The following SKAP1 variants were observed in gnomAD, a reference collection of about 807,000 sequenced individuals.
SKAP1 encodes src kinase-associated phosphoprotein 1.
A neutral mutation model predicts 58.5 loss-of-function variants in SKAP1; 44 were observed. The ratio of observed to expected loss-of-function variants is 0.75; its 90% CI spans 0.59 to 0.97. The LOEUF is 0.97. Among genes scored for constraint, SKAP1 ranks in the 50% least tolerant of loss-of-function variants. The pLI, the probability that SKAP1 is intolerant of heterozygous loss-of-function variation, is 0.00. For synonymous variants in SKAP1, 127 were observed against 149.7 expected, an observed-to-expected ratio of 0.85 and a Z score of 1.11; for missense variants, 390 against 435.2, an observed-to-expected ratio of 0.90 and a Z score of 0.92.
intron 4 of SKAP1, among the ~76,000 whole-genome samples, chr17:48,320,453 T>C (rs2066346850): frequency 6.6e-6 from 1 of 152,192 alleles, no homozygotes; most frequent in Admixed American, 6.5e-5. Flanking sequence ...CCAGCACACT[T>C]ATAAATGTTA....
At chr17:48,376,459 C>CA (rs954302780) in intron 2 of SKAP1, among the ~76,000 whole-genome samples, 1 of 152,152 alleles carries the variant, frequency 6.6e-6, no homozygotes, top group Non-Finnish European at 1.5e-5. Context: ...ACAATTTCTA[C>CA]AAAAACATTT....
intron 4 of SKAP1, among the ~76,000 whole-genome samples, chr17:48,313,140 G>A (rs1300883768): frequency 6.6e-6 from 1 of 151,476 alleles, no homozygotes; most frequent in Non-Finnish European, 1.5e-5. Context: ...TATTGGTGGC[G>A]GGGCGGTGGG....
chr17:48,410,193 T>C (rs1384876162), intron 1 of SKAP1, among the ~76,000 whole-genome samples: 4 of 152,112 alleles, frequency 2.6e-5, no homozygotes, highest in Non-Finnish European at 5.9e-5. Flanking sequence ...GGTTTCTCAC[T>C]GTTGGAGTGG....
At chr17:48,211,550 T>C (rs2064873381) in intron 4 of SKAP1, among the ~76,000 whole-genome samples, 1 of 152,228 alleles carries the variant, frequency 6.6e-6, no homozygotes. Context: ...CTCTTATATA[T>C]GATGGCTTCT....
In SKAP1 at chr17:48,206,545, G is replaced by C. The variant is rs373611207; in HGVS notation, c.281-17045C>G. ...ATAGTTAATGTAAACACTAAATATT[G>C]ATTAACTAAAAATTATGATATAACC... On this transcript the variant is annotated intron_variant, in intron 4 of 12. Coordinates refer to ENST00000336915, the MANE Select transcript of SKAP1 (RefSeq NM_003726.4). Among the ~76,000 whole-genome samples, 199 of 152,072 alleles carry C rather than the reference G, an allele frequency of 1.3e-3. 1 individual carries two copies. The highest frequency in any genetic ancestry group is 4.7e-3 in the African/African-American group (193 of 41,492).
chr17:48,429,633 G>A (rs1319027193), intron 1 of SKAP1, among the ~76,000 whole-genome samples: 1 of 152,184 alleles, frequency 6.6e-6, no homozygotes, highest in Non-Finnish European at 1.5e-5. Flanking sequence ...GCCCCTCGCA[G>A]CCCCCTGGAG....
intron 4 of SKAP1, among the ~76,000 whole-genome samples, chr17:48,278,154 T>C (rs2065722753): frequency 6.6e-6 from 1 of 152,236 alleles, no homozygotes; most frequent in Non-Finnish European, 1.5e-5. Flanking sequence ...AACTTCTTTG[T>C]TCTCTCTTCT....
intron 2 of SKAP1, chr17:48,380,261 T>C (rs982552011): frequency 6.6e-6 from 1 of 152,148 alleles, no homozygotes; most frequent in African/African-American, 2.4e-5. Context: ...TCTTGAGATG[T>C]TGCCAGTTCA....
At chr17:48,426,846 C>A (rs957410982) in intron 1 of SKAP1, among the ~76,000 whole-genome samples, 2 of 135,764 alleles carry the variant, frequency 1.5e-5, no homozygotes, top group East Asian at 2.0e-4. Flanking sequence ...TCCAAGATAG[C>A]GTGTTTTTTT....
At chr17:48,321,316 G>A (rs910708726) in intron 4 of SKAP1, among the ~76,000 whole-genome samples, 5 of 150,600 alleles carry the variant, frequency 3.3e-5, no homozygotes, top group African/African-American at 1.2e-4. Context: ...ATTCCACAAT[G>A]ATCTTTTCTA....
chr17:48,399,578 T>C (rs1028241810), intron 1 of SKAP1, among the ~76,000 whole-genome samples: 1 of 152,026 alleles, frequency 6.6e-6, no homozygotes, highest in Non-Finnish European at 1.5e-5. Flanking sequence ...CTAGATGATA[T>C]AGAGAGATTC....
At chr17:48,210,900 A>C (rs1158484143) in intron 4 of SKAP1, among the ~76,000 whole-genome samples, 1 of 152,190 alleles carries the variant, frequency 6.6e-6, no homozygotes, top group Non-Finnish European at 1.5e-5. Flanking sequence ...CTCCAAAGGA[A>C]GTCCTTACCA....
At chr17:48,243,398 A>G (rs919616481) in intron 4 of SKAP1, among the ~76,000 whole-genome samples, 2 of 152,210 alleles carry the variant, frequency 1.3e-5, no homozygotes, top group African/African-American at 4.8e-5. Flanking sequence ...TGGCAATAAG[A>G]AAGTTGTTCT....
At chr17:48,168,363 C>T (rs2064166151) in intron 10 of SKAP1, among the ~76,000 whole-genome samples, 1 of 152,124 alleles carries the variant, frequency 6.6e-6, no homozygotes, top group Non-Finnish European at 1.5e-5. Context: ...AGCATGTTAA[C>T]ACCTGAGAAA....
intron 1 of SKAP1, among the ~76,000 whole-genome samples, chr17:48,401,697 G>A (rs1212384333): frequency 6.6e-6 from 1 of 151,674 alleles, no homozygotes; most frequent in Non-Finnish European, 1.5e-5. Flanking sequence ...AAATCTTTGG[G>A]TCCTTGGATT....
chr17:48,443,460 C>CTGTTTGTT, the SKAP1 span, among the ~76,000 whole-genome samples: 17,448 of 150,046 alleles, frequency 0.12, 1,320 homozygotes, highest in Non-Finnish European at 0.15. Context: ...CAAGGTAAGT[C>CTGTTTGTT]TGTTTGTTTG....
At chr17:48,365,926 T>C (rs929443080) in intron 2 of SKAP1, among the ~76,000 whole-genome samples, 2 of 152,040 alleles carry the variant, frequency 1.3e-5, no homozygotes, top group Non-Finnish European at 1.5e-5. Context: ...ATCCCTCTTT[T>C]CCACTTATCA....
intron 4 of SKAP1, among the ~76,000 whole-genome samples, chr17:48,297,413 T>C (rs1054052311): frequency 2.6e-5 from 4 of 152,298 alleles, no homozygotes; most frequent in South Asian, 4.1e-4. Context: ...ACAATATAAA[T>C]GACCTTATAA....
At chr17:48,317,691 C>T (rs1238778149) in intron 4 of SKAP1, among the ~76,000 whole-genome samples, 1 of 152,190 alleles carries the variant, frequency 6.6e-6, no homozygotes. Context: ...GAAGTAACTT[C>T]AGGTCACTTC....
Sources: gnomAD v4.1 joint callset for allele counts (sites outside exome capture counted in the v4.1 genomes callset) on GRCh38, gnomAD v4.1.1 for gene constraint, MANE v1.5 for transcripts, NCBI Gene and HGNC (gene_info 2026-07-23, HGNC 2026-07-21) for gene names.